The following CFDP1 variants were observed in gnomAD, a reference collection of about 807,000 sequenced individuals.
The protein encoded by CFDP1 is heterochromatin-stabilizing protein CFDP1.
CFDP1 carries 31 observed loss-of-function variants against 40.1 expected under a neutral mutation model. That is an observed-to-expected ratio of 0.77 (90% CI 0.58 to 1.04). The LOEUF is 1.04. CFDP1 is among the 50% of genes least tolerant of loss of function. The pLI, the probability that CFDP1 is intolerant of heterozygous loss-of-function variation, is 0.00. For synonymous variants in CFDP1, 167 were observed against 120.0 expected (o/e 1.39, Z -2.56); for missense variants, 423 against 343.4 (o/e 1.23, Z -1.83).
chr16:75,425,417 A>G (rs2079328721), intron 1 of CFDP1, among the ~76,000 whole-genome samples: 1 of 148,028 alleles, frequency 6.8e-6, no homozygotes, highest in Admixed American at 6.8e-5. Flanking sequence ...AAAAAACTAT[A>G]TGGAAAGGCA....
chr16:75,378,142 G>C (rs2078817739), intron 5 of CFDP1, among the ~76,000 whole-genome samples: 1 of 152,122 alleles, frequency 6.6e-6, no homozygotes, highest in Non-Finnish European at 1.5e-5. Flanking sequence ...CAGGGTTTCT[G>C]TGCACTCTGA....
At chr16:75,384,296 G>A (rs1226796537) in intron 5 of CFDP1, among the ~76,000 whole-genome samples, 2 of 152,174 alleles carry the variant, frequency 1.3e-5, no homozygotes, top group Non-Finnish European at 2.9e-5. Context: ...GGTGGAGGTT[G>A]CAGTGAGCCG....
rs148132858 is a variant in CFDP1 at position 75,362,036 on chromosome 16, A to C, written c.650+33054T>G. ...TGAAGGAACTCAGAAAAACCCAAGA[A>C]TTCAATGAAGTTATTCATTCGGAGA... On this transcript the variant is annotated intron_variant, in intron 5 of 6. Transcript: ENST00000283882. 4.7e-3 allele frequency among the ~76,000 whole-genome samples: 716 copies of C among 152,306 alleles called. 3 individuals carry two copies. Among genetic ancestry groups the C allele is most frequent in the African/African-American group, 0.016 (663 of 41,562 alleles).
intron 5 of CFDP1, among the ~76,000 whole-genome samples, chr16:75,352,579 T>C (rs1247145497): frequency 6.6e-6 from 1 of 152,100 alleles, no homozygotes. Flanking sequence ...TTTAAAAAAA[T>C]AATAATTTTA....
At position 75,412,661 on chromosome 16, in the gene CFDP1, G is replaced by A. The variant is rs150298889; in HGVS notation, c.276C>T (p.Asp92=). The change falls in exon 3 of 7, where the codon GAC becomes GAT. Residue 92 remains aspartate (D), a synonymous_variant. Transcript: ENST00000283882. ...CAATGCCTTTTTCCTGCTCTGCAGCGTCATCTTCCTCCTCACTACTGCTTC... is the reference window on the plus strand; with the variant it reads ...CAATGCCTTTTTCCTGCTCTGCAGCATCATCTTCCTCCTCACTACTGCTTC... The part of the protein sequence containing the change: ...SEGSSSEEED[D]AAEQEKGIGS... The A allele has an allele frequency of 2.3e-5, 37 of 1,613,868 alleles. No homozygotes were observed. The highest frequency in any genetic ancestry group is 4.0e-5 in the African/African-American group (3 of 74,876).
Position 75,303,503 on chromosome 16 carries a change from A to AC in CFDP1, c.809+1520dup, listed in dbSNP as rs36137262. 1.3e-3 allele frequency among the ~76,000 whole-genome samples: 170 copies of AC among 128,122 alleles called. 8 individuals are homozygous for AC. Among genetic ancestry groups the AC allele is most frequent in the African/African-American group, 3.1e-3 (112 of 36,052 alleles). The allele number at this position is 128,122 out of a possible 152,430, so 84.1% of individuals were successfully genotyped here. A position where few individuals can be genotyped will look rare whatever the true frequency, so the allele number is the denominator to read the frequency against. The stretch of plus-strand genomic sequence containing the variant: ...TCTTGAAGCCTAATTTAGAAATATG[A>AC]CCCCCCCCAATAAATCCTTTGTCTA... On this transcript the variant is annotated intron_variant, in intron 6 of 6. Coordinates refer to ENST00000283882, the MANE Select transcript of CFDP1 (RefSeq NM_006324.3).
chr16:75,358,683 A>G (rs148078997), intron 5 of CFDP1, among the ~76,000 whole-genome samples: 176 of 152,324 alleles, frequency 1.2e-3, no homozygotes, highest in African/African-American at 3.9e-3. Flanking sequence ...ATGGTTATTC[A>G]TACTTAAGTA....
At chr16:75,432,568 C>CAAAGTA (rs2079434668) in intron 1 of CFDP1, among the ~76,000 whole-genome samples, 1 of 151,762 alleles carries the variant, frequency 6.6e-6, no homozygotes, top group Non-Finnish European at 1.5e-5. Flanking sequence ...CAGAACAGAA[C>CAAAGTA]AAAGTAAAAC....
chr16:75,433,434 A>G lies in CFDP1; in HGVS notation c.-82T>C, dbSNP rs2079451864. On this transcript the variant is annotated 5_prime_UTR_variant, in exon 1 of 7. Coordinates refer to ENST00000283882, the MANE Select transcript of CFDP1 (RefSeq NM_006324.3). ...GCAAAGCTCTAGGGAGAGACCATAG[A>G]GCCCCGGCGGCGGCGACGGCAGCTA... The G allele has an allele frequency of 2.1e-6, 3 of 1,424,090 alleles. No individual in the cohort carries two copies. Among genetic ancestry groups the G allele is most frequent in the South Asian group, 2.4e-5 (2 of 82,050 alleles). 88.2% of individuals were successfully genotyped at this position (1,424,090 alleles called of 1,614,324 possible).
chr16:75,311,608 C>G (rs921117098), intron 5 of CFDP1, among the ~76,000 whole-genome samples: 10 of 152,116 alleles, frequency 6.6e-5, no homozygotes, highest in Non-Finnish European at 1.3e-4. Context: ...GATCTTTAAT[C>G]CAAACTTCAA....
At chr16:75,365,456 G>A (rs189306956) in intron 5 of CFDP1, among the ~76,000 whole-genome samples, 2 of 152,248 alleles carry the variant, frequency 1.3e-5, no homozygotes, top group East Asian at 1.9e-4. Flanking sequence ...TGGCACAGAC[G>A]GACTAAAACT....
chr16:75,357,441 G>A (rs773873587), intron 5 of CFDP1, among the ~76,000 whole-genome samples: 16 of 152,100 alleles, frequency 1.1e-4, no homozygotes, highest in Non-Finnish European at 2.2e-4. Context: ...TTTTAGTAGA[G>A]ACGGGGTTTC....
At chr16:75,364,761 T>C (rs2078703006) in intron 5 of CFDP1, among the ~76,000 whole-genome samples, 1 of 152,242 alleles carries the variant, frequency 6.6e-6, no homozygotes, top group Non-Finnish European at 1.5e-5. Flanking sequence ...TGAAAATAAG[T>C]TAATGTTTTA....
intron 1 of CFDP1, 120 bp downstream of exon 1, chr16:75,433,169 A>G: frequency 2.3e-6 from 2 of 882,204 alleles, no homozygotes; most frequent in Non-Finnish European, 3.4e-6. Context: ...CGGACGCTCG[A>G]GAACAGGAGC....
At chr16:75,324,508 G>A (rs2078389647) in intron 5 of CFDP1, among the ~76,000 whole-genome samples, 1 of 152,106 alleles carries the variant, frequency 6.6e-6, no homozygotes, top group African/African-American at 2.4e-5. Context: ...TTAGGAGGTC[G>A]AGGTAGGTGG....
chr16:75,394,746 C>T (rs934293367), intron 5 of CFDP1: 1 of 154,592 alleles, frequency 6.5e-6, no homozygotes, highest in South Asian at 1.9e-4. Flanking sequence ...TCACTGCAGC[C>T]TCAACCTTCT....
intron 6 of CFDP1, among the ~76,000 whole-genome samples, chr16:75,300,620 G>C (rs2078215429): frequency 6.6e-6 from 1 of 152,138 alleles, no homozygotes; most frequent in African/African-American, 2.4e-5. Context: ...GGTAGACAGT[G>C]ATGTGCCATT....
intron 5 of CFDP1, among the ~76,000 whole-genome samples, chr16:75,342,352 C>T (rs949244346): frequency 6.6e-6 from 1 of 152,154 alleles, no homozygotes; most frequent in East Asian, 1.9e-4. Flanking sequence ...CCTCATTTGC[C>T]AGGAAGAAAA....
At chr16:75,398,750 C>T (rs1037378479) in intron 4 of CFDP1, among the ~76,000 whole-genome samples, 5 of 150,938 alleles carry the variant, frequency 3.3e-5, no homozygotes, top group Middle Eastern at 6.8e-3. Flanking sequence ...TGGCATCAGA[C>T]GTGGGAGTAA....
Sources: allele counts gnomAD v4.1 joint callset (sites outside exome capture counted in the v4.1 genomes callset), GRCh38; gene constraint gnomAD v4.1.1; transcripts MANE v1.5; gene names NCBI Gene and HGNC (gene_info 2026-07-23, HGNC 2026-07-21).